Variants in MYO5C observed in about 807,000 individuals in gnomAD.
The protein encoded by MYO5C is unconventional myosin-Vc.
In MYO5C, 194 loss-of-function variants were observed where a neutral mutation model predicts 235.7. The ratio of observed to expected loss-of-function variants is 0.82; its 90% confidence interval spans 0.73 to 0.93. The LOEUF is 0.93. Ranked by LOEUF, MYO5C falls within the 40% of genes least tolerant of loss-of-function variation. The pLI is 0.00. For synonymous variants in MYO5C, 707 were observed against 754.8 expected (o/e 0.94, Z 1.04); for missense variants, 2,038 against 2,127.2 (o/e 0.96, Z 0.82).
At chr15:52,236,482 T>A (rs2036088365) in intron 22 of MYO5C, among the ~76,000 whole-genome samples, 1 of 152,134 alleles carries the variant, frequency 6.6e-6, no homozygotes, top group Non-Finnish European at 1.5e-5. Flanking sequence ...CGAGACCAGC[T>A]TGGCCAACAT....
chr15:52,249,537 G>T (rs2036427136), intron 13 of MYO5C, among the ~76,000 whole-genome samples: 1 of 152,170 alleles, frequency 6.6e-6, no homozygotes, highest in South Asian at 2.1e-4. Flanking sequence ...TAAGCAGAGG[G>T]TTCCCTGGGC....
chr15:52,195,485 G>A (rs768687015), intron 39 of MYO5C, 28 bp from the exon 40 acceptor site: 18 of 1,456,246 alleles, frequency 1.2e-5, no homozygotes, highest in Admixed American at 1.9e-5. Flanking sequence ...CATGGTGTTA[G>A]ACCATGCAAA....
Position 52,232,666 on chromosome 15 carries a change from G to A in MYO5C, c.2982C>T (p.Thr994=). Reference sequence around the variant, plus strand: ...TTTGTACATCATCAAAGAGCTGCTTGGTGAGGTTGTCCATTTTTTCTGTAA... The same window carrying A: ...TTTGTACATCATCAAAGAGCTGCTTAGTGAGGTTGTCCATTTTTTCTGTAA... The part of the protein sequence containing the change: ...EELKEKMDNL[T]KQLFDDVQKE... The change falls in exon 24 of 41, where the codon ACC becomes ACT. Residue 994 remains threonine (T), a synonymous_variant. Coordinates refer to ENST00000261839, the MANE Select transcript of MYO5C (RefSeq NM_018728.4). The A allele has an allele frequency of 6.2e-7, 1 of 1,613,750 alleles. No individual in the cohort carries two copies. The highest frequency in any genetic ancestry group is 2.2e-5 in the East Asian group (1 of 44,838).
Position 52,232,229 on chromosome 15 carries a change from A to AG in MYO5C, c.3026+392dup. ...AAGGAAAAGAAAGAAAATGAAAGAA[A>AG]GAAGAAAGAAAGAAGGAAGGAGAGA... is the stretch of plus-strand genomic sequence containing the variant. On this transcript the variant is annotated intron_variant, in intron 24 of 40. Coordinates refer to ENST00000261839, the MANE Select transcript of MYO5C (RefSeq NM_018728.4). Among the ~76,000 whole-genome samples, 2 of 32,618 alleles carry AG rather than the reference A, an allele frequency of 6.1e-5. 1 individual carries two copies. The highest frequency in any genetic ancestry group is 1.2e-4 in the African/African-American group (2 of 16,502). The allele number at this position is 32,618 out of a possible 152,430, so 21.4% of individuals were successfully genotyped here. A position where few individuals can be genotyped will look rare whatever the true frequency, so the allele number is the denominator to read the frequency against.
At chr15:52,242,286 G>T in intron 19 of MYO5C, 73 bp from the exon 20 acceptor site, 1 of 1,476,280 alleles carries the variant, frequency 6.8e-7, no homozygotes, top group Non-Finnish European at 9.2e-7. Flanking sequence ...CTGCAAGCTT[G>T]GCTAGCATGT....
In MYO5C at chr15:52,245,413, C is replaced by T. The variant is rs1476647148; in HGVS notation, c.2119G>A (p.Glu707Lys). Residue 707 changes from glutamate to lysine, a missense_variant, in exon 18 of 41, where the codon GAG (glutamate) becomes AAG (lysine). Glu to Lys is a moderately conservative substitution (Grantham distance 56). Coordinates refer to ENST00000261839, the MANE Select transcript of MYO5C (RefSeq NM_018728.4). ...SRYGILMTKQ[E>K]LSFSDKKEVC... is the part of the protein sequence containing the mutation. ...TCCTTTTTATCGCTGAAGGAAAGCT[C>T]TTGCTTGGTCATGAGAATGCCGTAG... 1.2e-6 allele frequency: 2 copies of T among 1,614,180 alleles called. No individual in the cohort carries two copies. Among genetic ancestry groups the T allele is most frequent in the Admixed American group, 1.7e-5 (1 of 60,028 alleles).
intron 39 of MYO5C, 71 bp from the exon 40 acceptor site, chr15:52,195,528 G>T: frequency 9.3e-7 from 1 of 1,080,446 alleles, no homozygotes; most frequent in Non-Finnish European, 1.3e-6. Context: ...AATGGTTCTG[G>T]TTATTGGGAA....
At chr15:52,253,629 C>A (rs1019720659) in intron 11 of MYO5C, among the ~76,000 whole-genome samples, 172 bp from the exon 12 acceptor site, 1 of 152,226 alleles carries the variant, frequency 6.6e-6, no homozygotes, top group Non-Finnish European at 1.5e-5. Flanking sequence ...CCGCCGAGTT[C>A]CTAAAGCGAG....
intron 28 of MYO5C, 121 bp from the exon 29 acceptor site, chr15:52,223,845 T>C: frequency 3.7e-6 from 3 of 800,766 alleles, no homozygotes; most frequent in Non-Finnish European, 5.7e-6. Context: ...AGTTTACTTA[T>C]GCACTCACGG....
At chr15:52,224,126 T>A (rs2035763553) in intron 28 of MYO5C, among the ~76,000 whole-genome samples, 1 of 152,022 alleles carries the variant, frequency 6.6e-6, no homozygotes. Flanking sequence ...CTACTAAAAA[T>A]ACAAAAATTA....
chr15:52,206,305 G>T lies in MYO5C; in HGVS notation c.4387-339C>A, dbSNP rs1320429160. On this transcript the variant is annotated intron_variant, in intron 36 of 40. Coordinates refer to ENST00000261839, the MANE Select transcript of MYO5C (RefSeq NM_018728.4). ...TCAAGGAAACAAACTGCTATGAAGAGGTAAGTGGATACAATAAATGAGATT... is the reference window on the plus strand; with the variant it reads ...TCAAGGAAACAAACTGCTATGAAGATGTAAGTGGATACAATAAATGAGATT... Among the ~76,000 whole-genome samples the T allele has an allele frequency of 2.0e-5, 3 of 151,866 alleles. No individual in the cohort carries two copies. In the South Asian group the frequency reaches 6.2e-4, roughly 32 times the overall value.
At position 52,215,535 on chromosome 15, in the gene MYO5C, G is replaced by A. The variant is rs75925489; in HGVS notation, c.3955-845C>T. 6.6e-3 allele frequency among the ~76,000 whole-genome samples: 1,002 copies of A among 152,208 alleles called. 14 individuals are homozygous for A. Among genetic ancestry groups the A allele is most frequent in the Admixed American group, 0.026 (395 of 15,296 alleles). On this transcript the variant is annotated intron_variant, in intron 32 of 40. Transcript: ENST00000261839. Reference sequence around the variant, plus strand: ...ACATTGTGCTGTTTCTACTCTGTGCGGCCACCTCTCTCCCTGCCACCATTC... The same window carrying A: ...ACATTGTGCTGTTTCTACTCTGTGCAGCCACCTCTCTCCCTGCCACCATTC...
At chr15:52,293,691 G>A (rs1208520803) in intron 1 of MYO5C, among the ~76,000 whole-genome samples, 4 of 151,890 alleles carry the variant, frequency 2.6e-5, no homozygotes, top group African/African-American at 9.7e-5. Flanking sequence ...ACCCTCCATG[G>A]CCAACACTGC....
chr15:52,229,027 C>T, intron 25 of MYO5C, 106 bp downstream of exon 25: 1 of 1,340,242 alleles, frequency 7.5e-7, no homozygotes, highest in Non-Finnish European at 1.0e-6. Context: ...CTCCAGTTGC[C>T]TGTGGCCTTT....
intron 30 of MYO5C, among the ~76,000 whole-genome samples, chr15:52,220,408 A>G (rs1413897797): frequency 2.0e-5 from 3 of 152,154 alleles, no homozygotes; most frequent in African/African-American, 7.2e-5. Context: ...GCTGGAATGC[A>G]GTGGCACAAC....
Position 52,253,447 on chromosome 15 carries a change from T to G in MYO5C, c.1406A>C (p.Lys469Thr), listed in dbSNP as rs78451265. ...CTTCATGTATTCTTCTTGTTCCAGT[T>G]TGAAGACATGCTGGGAATCCAAAGT... ...LQQQFNMHVF[K>T]LEQEEYMKED... is the part of the protein sequence containing the mutation. Residue 469 changes from lysine to threonine, a missense_variant, in exon 12 of 41, where the codon AAA (lysine) becomes ACA (threonine). Lys to Thr is a moderately conservative substitution (Grantham distance 78). Transcript: ENST00000261839. The G allele has an allele frequency of 6.2e-7, 1 of 1,611,954 alleles. No individual in the cohort carries two copies. Among genetic ancestry groups the G allele is most frequent in the South Asian group, 1.1e-5 (1 of 90,428 alleles).
rs201635310 is a variant in MYO5C, at chr15:52,272,696, T to C, written c.634A>G (p.Asn212Asp). Residue 212 changes from asparagine (N) to aspartate (D), a missense_variant, in exon 6 of 41, where the codon AAT (asparagine) becomes GAT (aspartate). Transcript: ENST00000261839. ...EAVGNAKTTR[N>D]DNSSRFGKYT... ...TTCCCAAACCGACTACTATTGTCAT[T>C]GCGGGTGGTCTTGGCATTTCCAACG... is the stretch of plus-strand genomic sequence containing the variant. 1.3e-4 allele frequency: 206 copies of C among 1,613,920 alleles called. No homozygotes were observed. Among genetic ancestry groups the C allele is most frequent in the Non-Finnish European group, 1.7e-4 (197 of 1,180,004 alleles).
At chr15:52,270,470 A>T (rs1284106696) in intron 7 of MYO5C, among the ~76,000 whole-genome samples, 1 of 152,106 alleles carries the variant, frequency 6.6e-6, no homozygotes, top group Non-Finnish European at 1.5e-5. Flanking sequence ...GCTTTACTGA[A>T]TGTACAATAA....
At chr15:52,225,385 G>T in intron 26 of MYO5C, 54 bp downstream of exon 26, 1 of 1,382,066 alleles carries the variant, frequency 7.2e-7, no homozygotes. Flanking sequence ...CAGCGACACA[G>T]CTATGATAAA....
Sources: gnomAD v4.1 joint callset for allele counts (sites outside exome capture counted in the v4.1 genomes callset) on GRCh38, gnomAD v4.1.1 for gene constraint, MANE v1.5 for transcripts, NCBI Gene and HGNC (gene_info 2026-07-23, HGNC 2026-07-21) for gene names.